Variants in HCN2 observed in about 807,000 individuals in gnomAD.
HCN2 encodes potassium/sodium hyperpolarization-activated cyclic nucleotide-gated channel 2.
In HCN2, 20 loss-of-function variants were observed where a neutral mutation model predicts 52.3. The ratio of observed to expected loss-of-function variants is 0.38; its 90% CI spans 0.27 to 0.56. The LOEUF is 0.56. Among genes scored for constraint, HCN2 ranks in the 20% least tolerant of loss-of-function variants. The pLI is 0.71. For synonymous variants in HCN2, 694 were observed against 537.0 expected, an observed-to-expected ratio of 1.29 and a Z score of -4.04; for missense variants, 981 against 1,207.7, an observed-to-expected ratio of 0.81 and a Z score of 2.78.
intron 3 of HCN2, among the ~76,000 whole-genome samples, chr19:607,038 G>GGT (rs1225190460): frequency 6.6e-6 from 1 of 151,848 alleles, no homozygotes; most frequent in Non-Finnish European, 1.5e-5. Context: ...TTGGCGTGGT[G>GGT]GCGCATGCCT....
At chr19:606,078 C>T (rs1273513423) in intron 3 of HCN2, among the ~76,000 whole-genome samples, 1 of 152,134 alleles carries the variant, frequency 6.6e-6, no homozygotes, top group Non-Finnish European at 1.5e-5. Flanking sequence ...TTTAATTAAC[C>T]CACATTAATT....
rs548004392 is a variant in HCN2, at chr19:613,021, G to A, written c.1585-227G>A. On this transcript the variant is annotated intron_variant, in intron 5 of 7. Coordinates refer to ENST00000251287, the MANE Select transcript of HCN2 (RefSeq NM_001194.4). Reference sequence around the variant, plus strand: ...TGTCTACAGCCGCCCCTCCTGGTCCGATTGTATTGGCAGATGTCGCCAATA... The same window carrying A: ...TGTCTACAGCCGCCCCTCCTGGTCCAATTGTATTGGCAGATGTCGCCAATA... Among the ~76,000 whole-genome samples the A allele has an allele frequency of 8.6e-4, 131 of 152,296 alleles. 2 individuals are homozygous for A. The highest frequency in any genetic ancestry group is 2.7e-3 in the African/African-American group (112 of 41,564).
rs528569775 is a variant in HCN2, at chr19:592,841, C to T, written c.632+2264C>T. ...CAGCCCACAGCAAGCGAAGGGGCCT[C>T]TACGTTTGCAGCTGACTCAGGAGCC... On this transcript the variant is annotated intron_variant, in intron 1 of 7. Transcript: ENST00000251287. This position sits in a 1 kb window ranked among gnomAD's most constrained non-coding sequence, Gnocchi z 4.8. Among the ~76,000 whole-genome samples, 1 of 152,290 alleles carries T rather than the reference C, an allele frequency of 6.6e-6. No homozygotes were observed. The highest frequency in any genetic ancestry group is 2.1e-4 in the South Asian group (1 of 4,828).
At chr19:599,517 C>T (rs1263944374) in intron 1 of HCN2, among the ~76,000 whole-genome samples, 4 of 152,114 alleles carry the variant, frequency 2.6e-5, no homozygotes, top group East Asian at 3.9e-4. Context: ...CGGTGGCTCA[C>T]GCCTGTAATC....
At chr19:609,992 T>TGTG (rs1983554699) in intron 4 of HCN2, among the ~76,000 whole-genome samples, 1 of 152,224 alleles carries the variant, frequency 6.6e-6, no homozygotes. Flanking sequence ...TGGCCGCCCC[T>TGTG]GTGTGTGGCG....
In HCN2 at chr19:613,889, C is replaced by T. The variant is rs139625086; in HGVS notation, c.1863C>T (p.Ser621=). 2.5e-5 allele frequency: 40 copies of T among 1,596,136 alleles called. No individual in the cohort carries two copies. The highest frequency in any genetic ancestry group is 4.5e-5 in the East Asian group (2 of 44,014). ...TCACCCGGGGCCGCCGCACGGCGAG[C>T]GTGCGGGCTGACACCTACTGCCGCC... The part of the protein sequence containing the change: ...CLLTRGRRTA[S]VRADTYCRLY... The change falls in exon 7 of 8, where the codon AGC becomes AGT. Residue 621 remains serine (S), a synonymous_variant. Coordinates refer to ENST00000251287, the MANE Select transcript of HCN2 (RefSeq NM_001194.4).
chr19:616,396 G>A lies in HCN2; in HGVS notation c.2592G>A (p.Arg864=), dbSNP rs2144541323. ...ARAAAPSPDR[R]DSASPGAAGG... is the part of the protein sequence containing the mutation. ...CCGCCGCGCCCAGCCCGGACCGCAGGGACTCGGCCTCACCCGGCGCCGCCG... is the reference window on the plus strand; with the variant it reads ...CCGCCGCGCCCAGCCCGGACCGCAGAGACTCGGCCTCACCCGGCGCCGCCG... Residue 864 remains arginine (R), a synonymous_variant, in exon 8 of 8, where the codon AGG becomes AGA. Transcript: ENST00000251287. 1.6e-6 allele frequency: 2 copies of A among 1,229,752 alleles called. No homozygotes were observed. The highest frequency in any genetic ancestry group is 2.3e-5 in the South Asian group (1 of 44,032). 76.2% of individuals were successfully genotyped at this position (1,229,752 alleles called of 1,614,324 possible).
chr19:603,065 G>A (rs867059298), intron 1 of HCN2, among the ~76,000 whole-genome samples: 1 of 144,894 alleles, frequency 6.9e-6, no homozygotes, highest in Non-Finnish European at 1.5e-5. Context: ...GGGCACCCTC[G>A]CCCCCCAGGG....
rs1302824193 is a variant in HCN2, at chr19:591,078, C to G, written c.632+501C>G. 1 of 151,782 alleles carries G rather than the reference C, an allele frequency of 6.6e-6. No homozygotes were observed. The highest frequency in any genetic ancestry group is 2.0e-4 in the East Asian group (1 of 5,108). 9.4% of individuals were successfully genotyped at this position (151,782 alleles called of 1,614,324 possible). A position where few individuals can be genotyped will look rare whatever the true frequency, so the allele number is the denominator to read the frequency against. ...GCGGGCCTGGAAAGCGTGCGGGTCC[C>G]CAGGCTGTGTCCCCGGGAGCCGCTC... On this transcript the variant is annotated intron_variant, in intron 1 of 7. Coordinates refer to ENST00000251287, the MANE Select transcript of HCN2 (RefSeq NM_001194.4). The surrounding 1 kb of genome is among the most constrained non-coding windows in gnomAD (Gnocchi z 4.1).
At position 616,520 on chromosome 19, in the gene HCN2, CG is replaced by C; in HGVS notation, c.*47del. On this transcript the variant is annotated 3_prime_UTR_variant, in exon 8 of 8. Transcript: ENST00000251287. ...GGCCCAGGCGGGCCGGGGGCGGGGCCGTCATCCAGACCAAAGCCATGCCATT... is the reference window on the plus strand; with the variant it reads ...GGCCCAGGCGGGCCGGGGGCGGGGCCTCATCCAGACCAAAGCCATGCCATT... 2 of 1,131,328 alleles carry C rather than the reference CG, an allele frequency of 1.8e-6. No individual in the cohort carries two copies. The highest frequency in any genetic ancestry group is 1.1e-6 in the Non-Finnish European group (1 of 906,062). 70.1% of individuals were successfully genotyped at this position (1,131,328 alleles called of 1,614,324 possible). A position where few individuals can be genotyped will look rare whatever the true frequency, so the allele number is the denominator to read the frequency against.
In HCN2 at chr19:613,806, C is replaced by T. The variant is rs754120325; in HGVS notation, c.1826-46C>T. On this transcript the variant is annotated intron_variant, in intron 6 of 7. Coordinates refer to ENST00000251287, the MANE Select transcript of HCN2 (RefSeq NM_001194.4). ...CCGTGTGCCTGGGCGGGGAGGGCCG[C>T]GGCGCCCGCCTCGTCCAGCAACCCC... is the stretch of plus-strand genomic sequence containing the variant. 1.7e-5 allele frequency: 24 copies of T among 1,449,592 alleles called. 1 individual carries two copies. The highest frequency in any genetic ancestry group is 2.1e-5 in the Non-Finnish European group (23 of 1,108,390). The allele number at this position is 1,449,592 out of a possible 1,614,324, so 89.8% of individuals were successfully genotyped here. A position where few individuals can be genotyped will look rare whatever the true frequency, so the allele number is the denominator to read the frequency against.
intron 1 of HCN2, among the ~76,000 whole-genome samples, chr19:602,654 C>T (rs969176911): frequency 1.1e-4 from 16 of 152,228 alleles, no homozygotes; most frequent in Admixed American, 1.3e-4. Flanking sequence ...CTCTGCACCC[C>T]GGCTCCTCTC....
At chr19:611,528 G>C (rs773327298) in intron 5 of HCN2, among the ~76,000 whole-genome samples, 1 of 152,214 alleles carries the variant, frequency 6.6e-6, no homozygotes, top group Admixed American at 6.5e-5. Flanking sequence ...ATGCCTCTGG[G>C]GGGGCGTGTA....
Position 603,637 on chromosome 19 carries a change from C to G in HCN2, c.726C>G (p.Ala242=). 1 of 1,612,444 alleles carries G rather than the reference C, an allele frequency of 6.2e-7. No individual in the cohort carries two copies. Among genetic ancestry groups the G allele is most frequent in the South Asian group, 1.1e-5 (1 of 91,042 alleles). Residue 242 remains alanine (A), a synonymous_variant, in exon 2 of 8, where the codon GCC becomes GCG. Coordinates refer to ENST00000251287, the MANE Select transcript of HCN2 (RefSeq NM_001194.4). Reference sequence around the variant, plus strand: ...CCTTCTTCAAGGATGAGACCACTGCCCCGTGGATCGTGTTCAACGTGGTCT... The same window carrying G: ...CCTTCTTCAAGGATGAGACCACTGCGCCGTGGATCGTGTTCAACGTGGTCT... ...GITFFKDETT[A]PWIVFNVVSD...
intron 4 of HCN2, 73 bp from the exon 5 acceptor site, chr19:610,186 G>C: frequency 6.5e-7 from 1 of 1,546,896 alleles, no homozygotes; most frequent in Non-Finnish European, 8.8e-7. Flanking sequence ...CCTCCCCACA[G>C]TACAAGCAGG....
At chr19:597,774 CT>C (rs1337567675) in intron 1 of HCN2, among the ~76,000 whole-genome samples, 308 of 150,082 alleles carry the variant, frequency 2.1e-3, no homozygotes, top group African/African-American at 7.1e-3. Flanking sequence ...CTAGGTCCCC[CT>C]TGGTGGTTTC....
Position 613,777 on chromosome 19 carries a change from C to T in HCN2, c.1826-75C>T, listed in dbSNP as rs1325549918. 67 of 1,388,604 alleles carry T rather than the reference C, an allele frequency of 4.8e-5. No individual in the cohort carries two copies. The African/African-American group carries it at 6.5e-4, about 14-fold the overall frequency. 86.0% of individuals were successfully genotyped at this position (1,388,604 alleles called of 1,614,324 possible). ...CCCACGCTGGCCAAGGTGCAGAGGC[C>T]GGGCCGTGTGCCTGGGCGGGGAGGG... On this transcript the variant is annotated intron_variant, in intron 6 of 7. Coordinates refer to ENST00000251287, the MANE Select transcript of HCN2 (RefSeq NM_001194.4).
intron 1 of HCN2, among the ~76,000 whole-genome samples, chr19:594,583 G>T (rs565181558): frequency 2.6e-5 from 4 of 152,178 alleles, no homozygotes; most frequent in African/African-American, 9.7e-5. Context: ...CCTGGGCCCC[G>T]CCTCAGATGG....
At chr19:612,421 T>TGAGAGA (rs993809914) in intron 5 of HCN2, among the ~76,000 whole-genome samples, 1 of 105,728 alleles carries the variant, frequency 9.5e-6, no homozygotes, top group African/African-American at 3.3e-5. Flanking sequence ...TGTGTGTGTG[T>TGAGAGA]GTGTGTGAGA....
Sources: allele counts gnomAD v4.1 joint callset (sites outside exome capture counted in the v4.1 genomes callset), GRCh38; gene constraint gnomAD v4.1.1; non-coding constraint Gnocchi (gnomAD v3.1); transcripts MANE v1.5; gene names NCBI Gene and HGNC (gene_info 2026-07-23, HGNC 2026-07-21).